WDR41: variants seen among roughly 807,000 people sequenced by gnomAD.
The protein encoded by WDR41 is WD repeat-containing protein 41.
WDR41 carries 63 observed loss-of-function variants against 69.3 expected under a neutral mutation model. That is an observed-to-expected ratio of 0.91 (90% CI 0.74 to 1.12). The LOEUF (loss-of-function observed/expected upper bound fraction) is 1.12, where lower values mean the gene tolerates loss of function less well. Ranked by LOEUF, WDR41 falls within the 50% of genes most tolerant of loss-of-function variation. The probability of loss-of-function intolerance (pLI) is 0.00; values close to 1 mark genes in which losing one functional copy is unlikely to be tolerated. For missense variants in WDR41, 543 were observed against 534.5 expected (o/e 1.02, Z -0.16); for synonymous variants, 185 against 192.1 (o/e 0.96, Z 0.31).
intron 10 of WDR41, among the ~76,000 whole-genome samples, chr5:77,437,682 G>A (rs760142737): frequency 9.9e-5 from 15 of 152,138 alleles, no homozygotes; most frequent in Non-Finnish European, 2.1e-4. Context: ...TGGGAAAACA[G>A]TGTGAATTAT....
chr5:77,558,094 T>TTTTAAAAAAAAA (rs1554036365), intron 1 of WDR41, among the ~76,000 whole-genome samples: 5 of 104,294 alleles, frequency 4.8e-5, no homozygotes, highest in African/African-American at 1.1e-4. Context: ...ATGTTCTTTT[T>TTTTAAAAAAAAA]AAAAAAAAAA....
chr5:77,464,528 C>T (rs1248025136), intron 3 of WDR41, among the ~76,000 whole-genome samples: 4 of 151,146 alleles, frequency 2.6e-5, no homozygotes, highest in Non-Finnish European at 4.4e-5. Context: ...ATTACAGGCA[C>T]GAGCCACCAC....
At chr5:77,519,722 T>A (rs533271955) in intron 1 of WDR41, among the ~76,000 whole-genome samples, 2 of 151,834 alleles carry the variant, frequency 1.3e-5, no homozygotes, top group Admixed American at 6.6e-5. Context: ...GTGTTTATGT[T>A]AAATGTGAAG....
upstream of WDR41, among the ~76,000 whole-genome samples, chr5:77,493,479 A>C (rs943161288): frequency 6.6e-6 from 1 of 152,102 alleles, no homozygotes; most frequent in Non-Finnish European, 1.5e-5. Context: ...CATACATCCC[A>C]CTTTAAGCTA....
At chr5:77,459,427 A>T (rs1291442654) in intron 4 of WDR41, among the ~76,000 whole-genome samples, 1 of 152,198 alleles carries the variant, frequency 6.6e-6, no homozygotes, top group Non-Finnish European at 1.5e-5. Flanking sequence ...CCAACTGTTT[A>T]AAGTTTATTC....
intron 2 of WDR41, among the ~76,000 whole-genome samples, chr5:77,471,851 A>G (rs774661730): frequency 3.9e-5 from 6 of 152,350 alleles, no homozygotes; most frequent in South Asian, 2.1e-4. Context: ...CCAGAGGTAC[A>G]AGGAGAAGCT....
chr5:77,506,627 G>A (rs191264732), intron 1 of WDR41, among the ~76,000 whole-genome samples: 2 of 152,208 alleles, frequency 1.3e-5, no homozygotes, highest in African/African-American at 4.8e-5. Flanking sequence ...GCAAAGACTT[G>A]GAACCAACCC....
intron 12 of WDR41, among the ~76,000 whole-genome samples, chr5:77,433,773 G>GGTA (rs1287182520): frequency 2.6e-5 from 4 of 152,130 alleles, no homozygotes; most frequent in Non-Finnish European, 5.9e-5. Context: ...AAACAATAAA[G>GGTA]GTACCAATGA....
chr5:77,607,543 T>C (rs1744446562), intron 1 of WDR41, among the ~76,000 whole-genome samples: 1 of 152,194 alleles, frequency 6.6e-6, no homozygotes, highest in Non-Finnish European at 1.5e-5. Flanking sequence ...TTACCTTGAG[T>C]AAACACAACC....
chr5:77,570,881 G>T (rs975326235), intron 1 of WDR41, among the ~76,000 whole-genome samples: 3 of 151,610 alleles, frequency 2.0e-5, no homozygotes, highest in African/African-American at 7.3e-5. Flanking sequence ...ATCGACAAAG[G>T]GTGAAATATG....
chr5:77,535,885 T>C (rs1742963482), intron 1 of WDR41, among the ~76,000 whole-genome samples: 1 of 152,230 alleles, frequency 6.6e-6, no homozygotes, highest in Non-Finnish European at 1.5e-5. Flanking sequence ...AAGACAATCT[T>C]AGCTCTACTG....
chr5:77,453,626 C>T (rs1581709962), intron 6 of WDR41, among the ~76,000 whole-genome samples, 191 bp downstream of exon 6: 1 of 152,172 alleles, frequency 6.6e-6, no homozygotes, highest in Admixed American at 6.5e-5. Flanking sequence ...GGAGTCTTCT[C>T]CTCCTGATTC....
chr5:77,459,310 G>A (rs1799950220), intron 4 of WDR41, among the ~76,000 whole-genome samples, 186 bp from the exon 5 acceptor site: 1 of 151,968 alleles, frequency 6.6e-6, no homozygotes. Flanking sequence ...AGCAAAGCAG[G>A]CTTATAATCT....
intron 1 of WDR41, among the ~76,000 whole-genome samples, chr5:77,593,607 T>C (rs2112311078): frequency 6.6e-6 from 1 of 152,300 alleles, no homozygotes; most frequent in African/African-American, 2.4e-5. Flanking sequence ...AACTATTATC[T>C]GAGTCACAAA....
chr5:77,483,722 T>G (rs1227307879), intron 2 of WDR41, among the ~76,000 whole-genome samples: 1 of 152,126 alleles, frequency 6.6e-6, no homozygotes, highest in African/African-American at 2.4e-5. Flanking sequence ...AGAAATTTCT[T>G]CTCGTCAATT....
intron 1 of WDR41, among the ~76,000 whole-genome samples, chr5:77,578,259 T>C (rs1561229463): frequency 6.6e-6 from 1 of 152,148 alleles, no homozygotes; most frequent in Non-Finnish European, 1.5e-5. Flanking sequence ...CATAATGTCA[T>C]AGAGTTTAAC....
chr5:77,441,877 G>A (rs1252775155), intron 8 of WDR41, among the ~76,000 whole-genome samples: 1 of 150,576 alleles, frequency 6.6e-6, no homozygotes. Flanking sequence ...AAATACAGCA[G>A]AAAAAAAAAT....
At chr5:77,444,645 T>C (rs189265112) in intron 8 of WDR41, among the ~76,000 whole-genome samples, 363 of 152,314 alleles carry the variant, frequency 2.4e-3, no homozygotes, top group African/African-American at 5.7e-3. Flanking sequence ...ATATCTTTCA[T>C]TGGTAATGGG....
intron 1 of WDR41, among the ~76,000 whole-genome samples, chr5:77,574,528 T>A (rs1345497026): frequency 6.6e-6 from 1 of 152,148 alleles, no homozygotes; most frequent in African/African-American, 2.4e-5. Context: ...ATTTTTTTCA[T>A]TTGACTTCAA....
Sources: gnomAD v4.1 joint callset for allele counts (sites outside exome capture counted in the v4.1 genomes callset) on GRCh38, gnomAD v4.1.1 for gene constraint, MANE v1.5 for transcripts, NCBI Gene and HGNC (gene_info 2026-07-23, HGNC 2026-07-21) for gene names.